Variants in CNOT10 observed in about 807,000 individuals in gnomAD.
CNOT10 encodes CCR4-NOT transcription complex, subunit 10.
CNOT10 carries 30 observed loss-of-function variants against 94.6 expected under a neutral mutation model. That is an observed-to-expected ratio of 0.32 (90% CI 0.24 to 0.43). CNOT10 has a LOEUF of 0.43. CNOT10 is among the 20% of genes least tolerant of loss of function. CNOT10 has a pLI of 1.00. For missense variants in CNOT10, 759 were observed against 877.2 expected, an observed-to-expected ratio of 0.87 and a Z score of 1.70; for synonymous variants, 289 against 301.6, an observed-to-expected ratio of 0.96 and a Z score of 0.43.
At chr3:32,754,489 A>AAAAAAAATAT (rs77878221) in intron 13 of CNOT10, among the ~76,000 whole-genome samples, 6 of 70,216 alleles carry the variant, frequency 8.5e-5, no homozygotes, top group East Asian at 6.2e-4. Context: ...AAAAAAAAAA[A>AAAAAAAATAT]ATACATATAT....
chr3:32,689,929 T>C lies in CNOT10; in HGVS notation c.22+4447T>C, dbSNP rs117920694. On this transcript the variant is annotated intron_variant, in intron 1 of 18. Coordinates refer to ENST00000328834, the MANE Select transcript of CNOT10 (RefSeq NM_015442.3). ...ATAATTGTGCCACTGTACTGTAGCCTGGGTGACAGTGCGACCCTGTCTCAA... is the reference window on the plus strand; with the variant it reads ...ATAATTGTGCCACTGTACTGTAGCCCGGGTGACAGTGCGACCCTGTCTCAA... Among the ~76,000 whole-genome samples the C allele has an allele frequency of 7.7e-4, 118 of 152,320 alleles. No individual in the cohort carries two copies. In the East Asian group the frequency reaches 0.017, roughly 22 times the overall value.
chr3:32,719,760 C>G (rs1222451550), intron 7 of CNOT10, among the ~76,000 whole-genome samples: 2 of 152,112 alleles, frequency 1.3e-5, no homozygotes, highest in Non-Finnish European at 2.9e-5. Flanking sequence ...TCACCAGTCT[C>G]TCTAATAACT....
intron 5 of CNOT10, among the ~76,000 whole-genome samples, chr3:32,714,190 T>TA (rs1366394122): frequency 2.0e-5 from 3 of 151,700 alleles, no homozygotes; most frequent in African/African-American, 4.8e-5. Context: ...TGTCTATCTT[T>TA]AAAAAAAAAT....
intron 17 of CNOT10, among the ~76,000 whole-genome samples, chr3:32,767,974 A>G (rs1409461744): frequency 2.6e-5 from 4 of 152,106 alleles, no homozygotes; most frequent in African/African-American, 4.8e-5. Context: ...TGGGGTCTGA[A>G]GGGGGTTTTG....
chr3:32,764,743 G>T lies in CNOT10; in HGVS notation c.1938G>T (p.Leu646=), dbSNP rs1488853624. ...TCAACTCTGCCAGGACTGTGATGCT[G>T]TTCAACCTTGGCAGCGCTTACTGCC... ...SSVNSARTVM[L]FNLGSAYCLR... is the part of the protein sequence containing the mutation. Residue 646 remains leucine (L), a synonymous_variant, in exon 17 of 19, where the codon CTG becomes CTT. Coordinates refer to ENST00000328834, the MANE Select transcript of CNOT10 (RefSeq NM_015442.3). The T allele has an allele frequency of 6.2e-7, 1 of 1,614,040 alleles. No individual in the cohort carries two copies. Among genetic ancestry groups the T allele is most frequent in the East Asian group, 2.2e-5 (1 of 44,892 alleles).
chr3:32,708,851 T>C lies in CNOT10; in HGVS notation c.430+31T>C, dbSNP rs757791245. 5 of 1,579,806 alleles carry C rather than the reference T, an allele frequency of 3.2e-6. No homozygotes were observed. In the East Asian group the frequency reaches 1.1e-4, roughly 36 times the overall value. ...TTATCTGTCAAGTCAAAAATTTCCC[T>C]ATCTTCCCTATACTTGCAGAATTCT... is the stretch of plus-strand genomic sequence containing the variant. On this transcript the variant is annotated intron_variant, in intron 4 of 18. Coordinates refer to ENST00000328834, the MANE Select transcript of CNOT10 (RefSeq NM_015442.3).
At chr3:32,699,206 T>C (rs1049700697) in intron 1 of CNOT10, among the ~76,000 whole-genome samples, 3 of 152,212 alleles carry the variant, frequency 2.0e-5, no homozygotes, top group South Asian at 2.1e-4. Flanking sequence ...TTTATACTTA[T>C]TCAGAGGTAC....
rs1426932396 is a variant in CNOT10 at position 32,717,209 on chromosome 3, TC to T, written c.717del (p.Lys240SerfsTer4). The T allele has an allele frequency of 6.2e-7, 1 of 1,609,206 alleles. No homozygotes were observed. Among genetic ancestry groups the T allele is most frequent in the Non-Finnish European group, 8.5e-7 (1 of 1,177,124 alleles). ...TCTCTGAAAGCATGTAAAAGGGAAA[TC>T]AAGTCAGTCATGAATACAGCTGGAA... ...MKSLKACKRE[I>X]KSVMNTAGNS... On this transcript the variant is annotated frameshift_variant, in exon 7 of 19. Coordinates refer to ENST00000328834, the MANE Select transcript of CNOT10 (RefSeq NM_015442.3). LOFTEE classifies it high-confidence loss of function.
intron 1 of CNOT10, among the ~76,000 whole-genome samples, chr3:32,699,077 C>T (rs953895938): frequency 2.0e-5 from 3 of 152,228 alleles, no homozygotes; most frequent in Non-Finnish European, 2.9e-5. Flanking sequence ...TGAGCCACCA[C>T]ACCTGGCCAA....
intron 10 of CNOT10, chr3:32,731,155 C>A (rs1014499925): frequency 1.3e-5 from 2 of 152,136 alleles, no homozygotes; most frequent in Non-Finnish European, 2.9e-5. Flanking sequence ...TTAAAATATC[C>A]ACTTTTTCAT....
intron 14 of CNOT10, 50 bp from the exon 15 acceptor site, chr3:32,762,683 A>G: frequency 6.5e-7 from 1 of 1,550,060 alleles, no homozygotes; most frequent in Non-Finnish European, 8.7e-7. Flanking sequence ...TACATTGGGT[A>G]TTTTTGTGAC....
chr3:32,743,812 T>C (rs1048822934), intron 13 of CNOT10, among the ~76,000 whole-genome samples: 1 of 152,144 alleles, frequency 6.6e-6, no homozygotes, highest in Admixed American at 6.6e-5. Context: ...CCATATGTCA[T>C]AGTAGGAGGA....
intron 4 of CNOT10, among the ~76,000 whole-genome samples, chr3:32,711,183 A>C (rs1697873230): frequency 6.6e-6 from 1 of 152,182 alleles, no homozygotes; most frequent in African/African-American, 2.4e-5. Flanking sequence ...TAATAAAAAA[A>C]CAGCCATCCC....
At chr3:32,727,544 A>AAACTCAG in intron 9 of CNOT10, 124 bp from the exon 10 acceptor site, 2 of 671,264 alleles carry the variant, frequency 3.0e-6, no homozygotes, top group Non-Finnish European at 2.6e-6. Context: ...AGAGCTATTA[A>AAACTCAG]AACTCAGATC....
At chr3:32,717,365 A>C in intron 7 of CNOT10, 128 bp downstream of exon 7, 1 of 524,476 alleles carries the variant, frequency 1.9e-6, no homozygotes, top group Non-Finnish European at 3.4e-6. Context: ...TGCTATTTTA[A>C]AGTTGGGAAG....
chr3:32,765,407 C>T lies in CNOT10; in HGVS notation c.2004+598C>T, dbSNP rs1700621470. ...AGTGGCTCACATCTGTAATCCCACA[C>T]TCTGGGAGGCTGAGACAGGCAGATC... On this transcript the variant is annotated intron_variant, in intron 17 of 18. Transcript: ENST00000328834. 2 of 53,510 alleles carry T rather than the reference C, an allele frequency of 3.7e-5. 1 individual carries two copies. The highest frequency in any genetic ancestry group is 1.2e-4 in the African/African-American group (2 of 16,736). The allele number at this position is 53,510 out of a possible 1,614,324, so 3.3% of individuals were successfully genotyped here.
chr3:32,692,077 C>T (rs554613154), intron 1 of CNOT10, among the ~76,000 whole-genome samples: 1 of 150,082 alleles, frequency 6.7e-6, no homozygotes, highest in African/African-American at 2.4e-5. Flanking sequence ...AAGCCAATTT[C>T]CCGCCAGGCA....
intron 18 of CNOT10, among the ~76,000 whole-genome samples, chr3:32,772,661 C>T (rs961553175): frequency 6.6e-6 from 1 of 152,186 alleles, no homozygotes; most frequent in Non-Finnish European, 1.5e-5. Flanking sequence ...CGCCCCACTG[C>T]ACTCTAGCCT....
Position 32,769,913 on chromosome 3 carries a change from G to T in CNOT10, c.2031G>T (p.Glu677Asp). The change falls in exon 18 of 19, where the codon GAG (glutamate) becomes GAT (aspartate). Residue 677 changes from glutamate (E) to aspartate (D), a missense_variant. Around this residue, in one of 3 missense-constraint regions of CNOT10, gnomAD observed 682 missense variants for 799.4 expected, o/e 0.85. Transcript: ENST00000328834. Reference protein sequence around the residue: ...HQAASMIHPKEVPPEAILLAV... With the variant: ...HQAASMIHPKDVPPEAILLAV... ...CGGCTTCAATGATCCATCCTAAAGA[G>T]GTGCCCCCTGAGGCCATCTTGCTGG... is the stretch of plus-strand genomic sequence containing the variant. 6.2e-7 allele frequency: 1 copy of T among 1,614,006 alleles called. No individual in the cohort carries two copies. Among genetic ancestry groups the T allele is most frequent in the Non-Finnish European group, 8.5e-7 (1 of 1,179,920 alleles).
Sources: allele counts gnomAD v4.1 joint callset (sites outside exome capture counted in the v4.1 genomes callset), GRCh38; gene constraint gnomAD v4.1.1; regional missense constraint gnomAD v4.1.1; transcripts MANE v1.5; gene names NCBI Gene and HGNC (gene_info 2026-07-23, HGNC 2026-07-21).